Variants in HS6ST3 observed in about 807,000 individuals in gnomAD.
The protein encoded by HS6ST3 is heparan sulfate 6-O-sulfotransferase 3, also known as heparan-sulfate 6-O-sulfotransferase 3.
Under a neutral mutation model 36.7 loss-of-function variants are expected in HS6ST3, and 12 were observed. The observed-to-expected ratio is 0.33, with a 90% confidence interval of 0.21 to 0.53. The LOEUF is 0.53. Among genes scored for constraint, HS6ST3 ranks in the 20% least tolerant of loss-of-function variants. The pLI, the probability that HS6ST3 is intolerant of heterozygous loss-of-function variation, is 0.95. For synonymous variants in HS6ST3, 240 were observed against 257.5 expected (o/e 0.93, Z 0.65); for missense variants, 584 against 640.9 (o/e 0.91, Z 0.96).
chr13:96,703,145 A>G (rs1341807839), intron 1 of HS6ST3, among the ~76,000 whole-genome samples: 1 of 152,246 alleles, frequency 6.6e-6, no homozygotes, highest in Non-Finnish European at 1.5e-5. Context: ...TCCTAATACT[A>G]GGCAGAAGAA....
At chr13:96,259,701 A>G (rs1225198242) in intron 1 of HS6ST3, among the ~76,000 whole-genome samples, 1 of 152,168 alleles carries the variant, frequency 6.6e-6, no homozygotes, top group African/African-American at 2.4e-5. Flanking sequence ...ATGTCTTTAT[A>G]GACATTTAAC....
intron 1 of HS6ST3, among the ~76,000 whole-genome samples, chr13:96,332,149 G>A (rs1008940020): frequency 2.6e-5 from 4 of 152,164 alleles, no homozygotes; most frequent in South Asian, 2.1e-4. Context: ...CTTCTGTGTC[G>A]CTCGTGCTGG....
At position 96,761,752 on chromosome 13, in the gene HS6ST3, C is replaced by G. The variant is rs1026059854; in HGVS notation, c.708-70738C>G. ...CATAAGTATTATATTGTGAATGGAA[C>G]ACACATAATTTTTCAAATTGCTTGT... is the stretch of plus-strand genomic sequence containing the variant. On this transcript the variant is annotated intron_variant, in intron 1 of 1. Coordinates refer to ENST00000376705, the MANE Select transcript of HS6ST3 (RefSeq NM_153456.4). Among the ~76,000 whole-genome samples, 6 of 152,206 alleles carry G rather than the reference C, an allele frequency of 3.9e-5. No homozygotes were observed. In the East Asian group the frequency reaches 1.2e-3, roughly 29 times the overall value.
At chr13:96,637,246 T>A (rs1169227452) in intron 1 of HS6ST3, among the ~76,000 whole-genome samples, 1 of 152,126 alleles carries the variant, frequency 6.6e-6, no homozygotes, top group East Asian at 1.9e-4. Flanking sequence ...ACCAGATTGG[T>A]ATGATAAACA....
chr13:96,709,649 C>T (rs1038186723), intron 1 of HS6ST3, among the ~76,000 whole-genome samples: 2 of 152,102 alleles, frequency 1.3e-5, no homozygotes, highest in African/African-American at 2.4e-5. Context: ...GTCTATAAAT[C>T]GGAAGGAGGC....
intron 1 of HS6ST3, among the ~76,000 whole-genome samples, chr13:96,317,364 A>AATTT (rs2054979225): frequency 1.0e-4 from 2 of 19,324 alleles, no homozygotes; most frequent in African/African-American, 4.1e-4. Flanking sequence ...ATATATATAT[A>AATTT]TATAAAATTA....
intron 1 of HS6ST3, among the ~76,000 whole-genome samples, chr13:96,521,174 C>T (rs918812654): frequency 7.9e-5 from 12 of 152,144 alleles, no homozygotes; most frequent in Non-Finnish European, 1.5e-4. Flanking sequence ...ATATGTTGAA[C>T]CAGCCTTGCA....
At chr13:96,287,336 T>A (rs2054808676) in intron 1 of HS6ST3, among the ~76,000 whole-genome samples, 2 of 152,178 alleles carry the variant, frequency 1.3e-5, no homozygotes, top group Admixed American at 1.3e-4. Context: ...AAAAATCTTA[T>A]ATAATGCCTT....
At chr13:96,148,216 G>C (rs1257783465) in intron 1 of HS6ST3, among the ~76,000 whole-genome samples, 7 of 152,144 alleles carry the variant, frequency 4.6e-5, no homozygotes, top group Non-Finnish European at 2.9e-5. Context: ...CTAGTCTATG[G>C]TAAAATTGGT....
intron 1 of HS6ST3, among the ~76,000 whole-genome samples, chr13:96,494,287 G>A (rs936294872): frequency 2.7e-5 from 4 of 150,160 alleles, no homozygotes; most frequent in South Asian, 2.1e-4. Flanking sequence ...GCAAACTATC[G>A]CAAGGACAAA....
At chr13:96,620,183 G>A (rs1225257199) in intron 1 of HS6ST3, among the ~76,000 whole-genome samples, 1 of 152,178 alleles carries the variant, frequency 6.6e-6, no homozygotes, top group East Asian at 1.9e-4. Context: ...AAAGAAAGTT[G>A]TCTGCTTAAA....
At chr13:96,671,259 T>A (rs1273633348) in intron 1 of HS6ST3, among the ~76,000 whole-genome samples, 2 of 152,082 alleles carry the variant, frequency 1.3e-5, no homozygotes, top group East Asian at 3.9e-4. Context: ...CCTCCCAAAT[T>A]CTTTTGAACC....
rs2054788259 is a variant in HS6ST3, at chr13:96,284,061, G to A, written c.707+192492G>A. 1.3e-5 allele frequency among the ~76,000 whole-genome samples: 2 copies of A among 152,206 alleles called. 1 individual carries two copies. Among genetic ancestry groups the A allele is most frequent in the South Asian group, 4.2e-4 (2 of 4,816 alleles). ...TTCCCCAAATCTTAACAGAAAGATG[G>A]AGATTCCGAAAAGAATTGTGGGACC... On this transcript the variant is annotated intron_variant, in intron 1 of 1. Coordinates refer to ENST00000376705, the MANE Select transcript of HS6ST3 (RefSeq NM_153456.4).
At chr13:96,784,360 T>A (rs1566452989) in intron 1 of HS6ST3, among the ~76,000 whole-genome samples, 1 of 152,112 alleles carries the variant, frequency 6.6e-6, no homozygotes, top group African/African-American at 2.4e-5. Context: ...GCTTTATAAC[T>A]TTTTTTATTT....
At chr13:96,585,004 A>G (rs1442759271) in intron 1 of HS6ST3, among the ~76,000 whole-genome samples, 1 of 152,212 alleles carries the variant, frequency 6.6e-6, no homozygotes, top group Non-Finnish European at 1.5e-5. Flanking sequence ...AGATACTTGG[A>G]AAAAACAATG....
At position 96,809,578 on chromosome 13, in the gene HS6ST3, TC is replaced by T. The variant is rs1451869518; in HGVS notation, c.708-22911del. ...AGGAGCTTTCACATGAAGAAGTAGT[TC>T]AGGTGTTGCTGTACAGAGGAGCAGC... On this transcript the variant is annotated intron_variant, in intron 1 of 1. Coordinates refer to ENST00000376705, the MANE Select transcript of HS6ST3 (RefSeq NM_153456.4). Among the ~76,000 whole-genome samples the T allele has an allele frequency of 3.9e-5, 6 of 152,180 alleles. No homozygotes were observed. In the East Asian group the frequency reaches 1.2e-3, roughly 29 times the overall value.
At chr13:96,262,150 T>C (rs1453338280) in intron 1 of HS6ST3, among the ~76,000 whole-genome samples, 2 of 152,314 alleles carry the variant, frequency 1.3e-5, no homozygotes, top group East Asian at 1.9e-4. Context: ...CAACTAGGTA[T>C]CTTTATCCCC....
chr13:96,626,391 A>G (rs1406256521), intron 1 of HS6ST3, among the ~76,000 whole-genome samples: 1 of 152,154 alleles, frequency 6.6e-6, no homozygotes, highest in Non-Finnish European at 1.5e-5. Context: ...CTTTCTCCAC[A>G]GTTTTGCAAC....
intron 1 of HS6ST3, among the ~76,000 whole-genome samples, chr13:96,650,918 A>G (rs1342979884): frequency 6.6e-6 from 1 of 152,090 alleles, no homozygotes; most frequent in African/African-American, 2.4e-5. Context: ...TTAGTCTGTG[A>G]TACTACATCA....
Sources: allele counts gnomAD v4.1 joint callset (sites outside exome capture counted in the v4.1 genomes callset), GRCh38; gene constraint gnomAD v4.1.1; transcripts MANE v1.5; gene names NCBI Gene and HGNC (gene_info 2026-07-23, HGNC 2026-07-21).